The following IMPG1 variants were observed in gnomAD, a reference collection of about 807,000 sequenced individuals.
IMPG1 encodes the protein interphotoreceptor matrix proteoglycan of 150 kDa.
IMPG1 carries 85 observed loss-of-function variants against 92.0 expected under a neutral mutation model. The ratio of observed to expected loss-of-function variants is 0.92; its 90% confidence interval spans 0.78 to 1.11. The LOEUF (loss-of-function observed/expected upper bound fraction) is 1.11. Among genes scored for constraint, IMPG1 ranks in the 50% least tolerant of loss-of-function variants. IMPG1 has a pLI of 0.00. For synonymous variants in IMPG1, 367 were observed against 334.1 expected, an observed-to-expected ratio of 1.10 and a Z score of -1.08; for missense variants, 1,022 against 956.0, an observed-to-expected ratio of 1.07 and a Z score of -0.91.
At chr6:75,968,165 G>T (rs1311091437) in intron 12 of IMPG1, among the ~76,000 whole-genome samples, 1 of 152,166 alleles carries the variant, frequency 6.6e-6, no homozygotes, top group African/African-American at 2.4e-5. Context: ...GTGAAGATGG[G>T]TAGACTACCA....
chr6:76,009,080 C>A (rs148288666), intron 8 of IMPG1, among the ~76,000 whole-genome samples: 12 of 152,250 alleles, frequency 7.9e-5, no homozygotes, highest in Middle Eastern at 3.4e-3. Flanking sequence ...TTGTTTATGG[C>A]AAGAATATAT....
chr6:76,014,451 A>C (rs1400363651), intron 7 of IMPG1, among the ~76,000 whole-genome samples: 1 of 152,132 alleles, frequency 6.6e-6, no homozygotes, highest in Non-Finnish European at 1.5e-5. Context: ...ACAGAAATCT[A>C]GGAGGTTGGG....
At chr6:75,939,523 C>T (rs1164521471) in intron 14 of IMPG1, among the ~76,000 whole-genome samples, 1 of 152,224 alleles carries the variant, frequency 6.6e-6, no homozygotes, top group East Asian at 1.9e-4. Flanking sequence ...CTACAAAGGA[C>T]ATGAAATCAT....
chr6:76,045,216 C>A (rs1293738339), intron 1 of IMPG1, among the ~76,000 whole-genome samples: 2 of 152,164 alleles, frequency 1.3e-5, no homozygotes, highest in African/African-American at 4.8e-5. Context: ...GACAAATGTT[C>A]TACAAATGGT....
At chr6:75,924,728 T>TATATATTATATATA (rs1781518749) in intron 15 of IMPG1, among the ~76,000 whole-genome samples, 6 of 34,036 alleles carry the variant, frequency 1.8e-4, no homozygotes, top group East Asian at 3.1e-3. Flanking sequence ...ATAATATAAT[T>TATATATTATATATA]ATATATAATA....
intron 1 of IMPG1, among the ~76,000 whole-genome samples, chr6:76,046,966 T>C (rs1044400327): frequency 5.3e-5 from 8 of 152,172 alleles, no homozygotes; most frequent in Admixed American, 2.6e-4. Context: ...TAAAATAAAA[T>C]ATCAGCAATA....
chr6:76,000,393 TA>T (rs1010277685), intron 12 of IMPG1, among the ~76,000 whole-genome samples: 1 of 152,256 alleles, frequency 6.6e-6, no homozygotes, highest in Non-Finnish European at 1.5e-5. Context: ...TCCATTTCAC[TA>T]AAGGAGTAAT....
chr6:76,061,025 G>A (rs1016545679), intron 1 of IMPG1, among the ~76,000 whole-genome samples: 1 of 152,086 alleles, frequency 6.6e-6, no homozygotes, highest in African/African-American at 2.4e-5. Context: ...GACATAATTA[G>A]TATGCAAATA....
At position 75,936,106 on chromosome 6, in the gene IMPG1, C is replaced by G. The variant is rs78524430; in HGVS notation, c.2045-4955G>C. On this transcript the variant is annotated intron_variant, in intron 14 of 16. Coordinates refer to ENST00000369950, the MANE Select transcript of IMPG1 (RefSeq NM_001563.4). ...TTCTACCAGTGAAGAAGCCTCAGGA[C>G]AGTGCCCTAGCGGGGAAAGCCTGGC... is the stretch of plus-strand genomic sequence containing the variant. Among the ~76,000 whole-genome samples the G allele has an allele frequency of 9.4e-3, 1,439 of 152,314 alleles. 24 individuals carry two copies. Among genetic ancestry groups the G allele is most frequent in the African/African-American group, 0.032 (1,321 of 41,572 alleles).
At chr6:75,964,536 G>C (rs1001888418) in intron 12 of IMPG1, among the ~76,000 whole-genome samples, 1 of 151,946 alleles carries the variant, frequency 6.6e-6, no homozygotes, top group African/African-American at 2.4e-5. Flanking sequence ...GATTAGCCAG[G>C]TGTGGTGGCG....
intron 7 of IMPG1, among the ~76,000 whole-genome samples, chr6:76,014,263 C>T (rs1783244405): frequency 6.6e-6 from 1 of 152,200 alleles, no homozygotes; most frequent in South Asian, 2.1e-4. Context: ...CCATTTTTCT[C>T]TTACTCCCCC....
At chr6:76,029,141 T>C (rs2149486239) in intron 4 of IMPG1, among the ~76,000 whole-genome samples, 1 of 152,314 alleles carries the variant, frequency 6.6e-6, no homozygotes, top group Non-Finnish European at 1.5e-5. Flanking sequence ...TGTACAGGGT[T>C]CTTGACCTAT....
chr6:75,960,625 T>A (rs1782200247), intron 12 of IMPG1, among the ~76,000 whole-genome samples: 1 of 152,204 alleles, frequency 6.6e-6, no homozygotes, highest in Non-Finnish European at 1.5e-5. Context: ...AAGGTTATAG[T>A]CAATTCCTTT....
At chr6:76,035,290 G>A (rs1229881082) in intron 2 of IMPG1, among the ~76,000 whole-genome samples, 1 of 151,878 alleles carries the variant, frequency 6.6e-6, no homozygotes, top group Non-Finnish European at 1.5e-5. Flanking sequence ...ATCACCTGAG[G>A]TCAGGAGTTC....
In IMPG1 at chr6:76,011,159, T is replaced by A. The variant is rs1783177159; in HGVS notation, c.866+7A>T. 7.0e-7 allele frequency: 1 copy of A among 1,425,576 alleles called. No individual in the cohort carries two copies. The highest frequency in any genetic ancestry group is 9.9e-7 in the Non-Finnish European group (1 of 1,012,958). The allele number at this position is 1,425,576 out of a possible 1,614,324, so 88.3% of individuals were successfully genotyped here. A position where few individuals can be genotyped will look rare whatever the true frequency, so the allele number is the denominator to read the frequency against. On this transcript the variant is annotated splice_region_variant and intron_variant, in intron 8 of 16. Transcript: ENST00000369950. ...AAAATTGAGAAGAGTTTGATTCTCTTACTTACCTAAATCCTAACACATGGA... is the reference window on the plus strand; with the variant it reads ...AAAATTGAGAAGAGTTTGATTCTCTAACTTACCTAAATCCTAACACATGGA...
At chr6:75,947,583 T>C (rs754222080) in intron 13 of IMPG1, 50 bp from the exon 14 acceptor site, 1 of 1,250,640 alleles carries the variant, frequency 8.0e-7, no homozygotes, top group South Asian at 1.3e-5. Flanking sequence ...AGTGCTCAGC[T>C]GCTGCTAATT....
At chr6:76,064,863 A>G (rs1784280343) in intron 1 of IMPG1, among the ~76,000 whole-genome samples, 1 of 152,148 alleles carries the variant, frequency 6.6e-6, no homozygotes, top group African/African-American at 2.4e-5. Context: ...CTGCTGGCAC[A>G]AGTGCACAGT....
intron 12 of IMPG1, among the ~76,000 whole-genome samples, chr6:75,987,037 G>T (rs528895130): frequency 6.6e-6 from 1 of 152,176 alleles, no homozygotes; most frequent in African/African-American, 2.4e-5. Flanking sequence ...GGCACTCACA[G>T]TTGAGTCATG....
chr6:76,007,448 T>C (rs1288895964), intron 9 of IMPG1, 32 bp downstream of exon 9: 5 of 1,530,134 alleles, frequency 3.3e-6, no homozygotes, highest in Non-Finnish European at 3.6e-6. Context: ...GACGGGAATG[T>C]ACTATATTTC....
Sources: allele counts gnomAD v4.1 joint callset (sites outside exome capture counted in the v4.1 genomes callset), GRCh38; gene constraint gnomAD v4.1.1; transcripts MANE v1.5; gene names NCBI Gene and HGNC (gene_info 2026-07-23, HGNC 2026-07-21).